Variants in KDM3A observed in about 807,000 individuals in gnomAD.
KDM3A encodes the protein lysine demethylase 3A.
KDM3A carries 60 observed loss-of-function variants against 158.0 expected under a neutral mutation model. The observed-to-expected ratio is 0.38, with a 90% CI of 0.31 to 0.47. The LOEUF is 0.47. Among genes scored for constraint, KDM3A ranks in the 20% least tolerant of loss-of-function variants. The pLI, the probability that KDM3A is intolerant of heterozygous loss-of-function variation, is 0.99. For missense variants in KDM3A, 1,319 were observed against 1,574.3 expected (o/e 0.84, Z 2.74); for synonymous variants, 608 against 549.3 (o/e 1.11, Z -1.49).
At chr2:86,488,895 T>C (rs1220365346) in intron 21 of KDM3A, 1 of 173,340 alleles carries the variant, frequency 5.8e-6, no homozygotes, top group Non-Finnish European at 1.2e-5. Context: ...GCAGTATTCC[T>C]TCTTATACTC....
chr2:86,453,947 G>A (rs528812243), intron 4 of KDM3A, among the ~76,000 whole-genome samples: 87 of 152,252 alleles, frequency 5.7e-4, no homozygotes, highest in Non-Finnish European at 1.0e-3. Flanking sequence ...CTAGAATTCG[G>A]TTTGGCAAGT....
chr2:86,447,456 C>CTTTT (rs150625957), intron 2 of KDM3A, among the ~76,000 whole-genome samples: 5,666 of 134,556 alleles, frequency 0.042, 391 homozygotes, highest in African/African-American at 0.14. Context: ...TAATTCTGCA[C>CTTTT]TTTTTTTTTT....
intron 2 of KDM3A, among the ~76,000 whole-genome samples, chr2:86,448,813 C>T (rs1345920316): frequency 6.6e-6 from 1 of 152,090 alleles, no homozygotes; most frequent in Non-Finnish European, 1.5e-5. Context: ...CAAATAAAAA[C>T]AGTGATTTTT....
intron 23 of KDM3A, 118 bp downstream of exon 23, chr2:86,489,777 T>G (rs1674364826): frequency 1.2e-5 from 13 of 1,109,834 alleles, no homozygotes; most frequent in Non-Finnish European, 1.5e-5. Context: ...AAGTTAAATC[T>G]GTACCTGTCA....
intron 8 of KDM3A, among the ~76,000 whole-genome samples, chr2:86,458,036 T>C (rs1364486816): frequency 2.6e-5 from 4 of 152,198 alleles, no homozygotes; most frequent in African/African-American, 9.7e-5. Context: ...GTTATAATTA[T>C]CAAAAACTCC....
At chr2:86,437,165 G>T (rs1011659723), upstream of KDM3A, among the ~76,000 whole-genome samples, 1 of 151,588 alleles carries the variant, frequency 6.6e-6, no homozygotes, top group East Asian at 1.9e-4. Flanking sequence ...TTTTGAGACA[G>T]AGTCTTGCTT....
At chr2:86,481,070 G>C (rs1013963291) in intron 16 of KDM3A, among the ~76,000 whole-genome samples, 25 of 152,102 alleles carry the variant, frequency 1.6e-4, no homozygotes, top group African/African-American at 6.0e-4. Flanking sequence ...GATACAGTCT[G>C]ACATTCAAAA....
Position 86,442,220 on chromosome 2 carries a change from A to C in KDM3A, c.173A>C (p.Lys58Thr). The change falls in exon 2 of 26, where the codon AAG becomes ACG. Residue 58 changes from lysine (K) to threonine (T), a missense_variant. By Grantham distance (78) the Lys-to-Thr change is moderately conservative. This residue lies in a region of KDM3A where 652 missense variants were observed against 627.2 expected (regional missense o/e 1.04). Transcript: ENST00000312912. ...GCTGTTTCCCACACCGACGTTACCA[A>C]GAAGGATCTGAAGGTACAGGCGGCT... ...IRAVSHTDVT[K>T]KDLKVCVEFD... 2 of 1,610,602 alleles carry C rather than the reference A, an allele frequency of 1.2e-6. No individual in the cohort carries two copies. Among genetic ancestry groups the C allele is most frequent in the South Asian group, 1.1e-5 (1 of 90,844 alleles).
chr2:86,451,763 C>T (rs1482906364), intron 4 of KDM3A, among the ~76,000 whole-genome samples: 8 of 152,112 alleles, frequency 5.3e-5, no homozygotes, highest in Non-Finnish European at 1.0e-4. Flanking sequence ...CATCATTCCT[C>T]AATGTTAGCT....
At chr2:86,440,942 A>C (rs1307321092), upstream of KDM3A, 1 of 152,282 alleles carries the variant, frequency 6.6e-6, no homozygotes, top group Non-Finnish European at 1.5e-5. Flanking sequence ...TCGACAGCCT[A>C]CGCGGTTGAA....
chr2:86,450,836 T>G (rs1020695344), intron 3 of KDM3A, among the ~76,000 whole-genome samples: 6 of 152,194 alleles, frequency 3.9e-5, no homozygotes, highest in African/African-American at 1.4e-4. Context: ...ACAAACAGTT[T>G]TTGCATAAAT....
intron 2 of KDM3A, among the ~76,000 whole-genome samples, chr2:86,446,210 C>A (rs552438856): frequency 6.6e-6 from 1 of 152,004 alleles, no homozygotes; most frequent in African/African-American, 2.4e-5. Context: ...TGCAAAATAC[C>A]CATTAAAAGA....
intron 18 of KDM3A, 132 bp from the exon 19 acceptor site, chr2:86,483,853 CTG>C: frequency 2.9e-6 from 2 of 691,324 alleles, no homozygotes; most frequent in South Asian, 4.2e-5. Flanking sequence ...TAAGCCGAAA[CTG>C]TCACATCACC....
chr2:86,489,243 C>T lies in KDM3A; in HGVS notation c.3314-75C>T. 2.7e-6 allele frequency: 4 copies of T among 1,477,424 alleles called. No homozygotes were observed. The South Asian group carries it at 5.3e-5, about 19-fold the overall frequency. 91.5% of individuals were successfully genotyped at this position (1,477,424 alleles called of 1,614,324 possible). ...AAGAGTCAATCAGGGACCTACCATC[C>T]CCCAGGTAGGTAGTGGAAAGACTGT... On this transcript the variant is annotated intron_variant, in intron 21 of 25. Coordinates refer to ENST00000312912, the MANE Select transcript of KDM3A (RefSeq NM_018433.6).
Position 86,464,033 on chromosome 2 carries a change from GTTGGT to G in KDM3A, c.844-14_844-10del. On this transcript the variant is annotated splice_polypyrimidine_tract_variant and intron_variant, in intron 8 of 25. Transcript: ENST00000312912. ...AACTAGGGACTTCCTTTTAATATCT[GTTGGT>G]TTGGTATCTTCTAGGCCTCTCCCAG... 6.7e-7 allele frequency: 1 copy of G among 1,490,076 alleles called. No individual in the cohort carries two copies. The highest frequency in any genetic ancestry group is 9.0e-7 in the Non-Finnish European group (1 of 1,110,750). The allele number at this position is 1,490,076 out of a possible 1,614,324, so 92.3% of individuals were successfully genotyped here. A position where few individuals can be genotyped will look rare whatever the true frequency, so the allele number is the denominator to read the frequency against.
At chr2:86,456,904 TCTC>T (rs1263360346) in intron 7 of KDM3A, 27 bp downstream of exon 7, 18 of 1,581,410 alleles carry the variant, frequency 1.1e-5, no homozygotes, top group Middle Eastern at 1.7e-4. Context: ...AAATCTTTCT[TCTC>T]CTTCCTCCTT....
intron 2 of KDM3A, among the ~76,000 whole-genome samples, chr2:86,444,746 A>G (rs1240911582): frequency 1.3e-5 from 2 of 152,166 alleles, no homozygotes; most frequent in Non-Finnish European, 2.9e-5. Context: ...GGACAAATAC[A>G]AGTCTGTCTA....
chr2:86,489,348 GA>G lies in KDM3A; in HGVS notation c.3346del (p.Thr1116GlnfsTer6). Reference protein sequence around the residue: ...GLITPEDRKYGTTNLHLDVSD... With the variant: ...GLITPEDRKYXTTNLHLDVSD... The stretch of plus-strand genomic sequence containing the variant: ...ATCACTCCTGAAGATCGGAAATATG[GA>G]ACAACAAATCTTCACTTAGATGTAT... On this transcript the variant is annotated frameshift_variant, in exon 22 of 26. Coordinates refer to ENST00000312912, the MANE Select transcript of KDM3A (RefSeq NM_018433.6). LOFTEE classifies it high-confidence loss of function. 1 of 1,613,844 alleles carries G rather than the reference GA, an allele frequency of 6.2e-7. No homozygotes were observed. Among genetic ancestry groups the G allele is most frequent in the Non-Finnish European group, 8.5e-7 (1 of 1,179,900 alleles).
chr2:86,440,281 G>A (rs1039469097), upstream of KDM3A, among the ~76,000 whole-genome samples: 4 of 152,158 alleles, frequency 2.6e-5, no homozygotes, highest in African/African-American at 9.7e-5. Context: ...TCCCTTATAT[G>A]TTTCCAAACA....
Sources: gnomAD v4.1 joint callset for allele counts (sites outside exome capture counted in the v4.1 genomes callset) on GRCh38, gnomAD v4.1.1 for gene constraint, gnomAD v4.1.1 regional missense constraint, MANE v1.5 for transcripts, NCBI Gene and HGNC (gene_info 2026-07-23, HGNC 2026-07-21) for gene names.